ADGRG7: variants seen among roughly 807,000 people sequenced by gnomAD.
The protein encoded by ADGRG7 is G-protein coupled receptor 128.
ADGRG7 carries 82 observed loss-of-function variants against 88.6 expected under a neutral mutation model. That is an observed-to-expected ratio of 0.93 (90% CI 0.77 to 1.11). The LOEUF (loss-of-function observed/expected upper bound fraction) is 1.11. ADGRG7 is among the 50% of genes most tolerant of loss of function. The pLI is 0.00. For synonymous variants in ADGRG7, 381 were observed against 345.2 expected (o/e 1.10, Z -1.15); for missense variants, 945 against 953.4 (o/e 0.99, Z 0.12).
At chr3:100,663,462 G>A (rs2094948093) in intron 14 of ADGRG7, among the ~76,000 whole-genome samples, 1 of 151,872 alleles carries the variant, frequency 6.6e-6, no homozygotes, top group Admixed American at 6.6e-5. Flanking sequence ...TCTCTCTCTG[G>A]AAATTGGAAT....
At chr3:100,610,977 G>T (rs999044313) in intron 1 of ADGRG7, among the ~76,000 whole-genome samples, 7 of 152,100 alleles carry the variant, frequency 4.6e-5, no homozygotes, top group Admixed American at 2.0e-4. Flanking sequence ...GCTGGGGATG[G>T]ATTTGTCCTC....
intron 13 of ADGRG7, 115 bp downstream of exon 13, chr3:100,656,110 A>G: frequency 1.8e-6 from 1 of 560,086 alleles, no homozygotes; most frequent in Non-Finnish European, 3.3e-6. Context: ...TGTCATGTTT[A>G]GTGGTAGACA....
chr3:100,683,338 G>C (rs1223674706), intron 15 of ADGRG7, among the ~76,000 whole-genome samples: 1 of 152,174 alleles, frequency 6.6e-6, no homozygotes, highest in East Asian at 1.9e-4. Flanking sequence ...TGGCTCTTCG[G>C]GGAGCCCAGA....
intron 1 of ADGRG7, among the ~76,000 whole-genome samples, chr3:100,615,249 A>C (rs1707207889): frequency 6.6e-6 from 1 of 152,176 alleles, no homozygotes; most frequent in Non-Finnish European, 1.5e-5. Context: ...TTTTTTCAAG[A>C]TCATAATTCT....
rs201303111 is a variant in ADGRG7, at chr3:100,694,873, C to T, written c.2266C>T (p.Arg756Cys). Residue 756 changes from arginine (R) to cysteine (C), a missense_variant, in exon 16 of 16, where the codon CGT becomes TGT. Physicochemically the swap from Arg to Cys is radical, Grantham distance 180. Coordinates refer to ENST00000273352, the MANE Select transcript of ADGRG7 (RefSeq NM_032787.3). ...SLPSVTRPRLRVKMYNFLRSL... is the reference protein window; with the variant it reads ...SLPSVTRPRLCVKMYNFLRSL... ...GCCTTCAGTGACGCGGCCGAGGCTG[C>T]GTGTAAAGATGTATAATTTCCTCAG... is the stretch of plus-strand genomic sequence containing the variant. 23 of 1,614,110 alleles carry T rather than the reference C, an allele frequency of 1.4e-5. No homozygotes were observed. The highest frequency in any genetic ancestry group is 4.0e-5 in the African/African-American group (3 of 75,000).
At chr3:100,691,955 A>G (rs2094994705) in intron 15 of ADGRG7, among the ~76,000 whole-genome samples, 1 of 152,138 alleles carries the variant, frequency 6.6e-6, no homozygotes, top group South Asian at 2.1e-4. Flanking sequence ...CAATATCAGG[A>G]TGAGCTATTC....
intron 14 of ADGRG7, chr3:100,665,389 G>A (rs1431323906): frequency 2.0e-5 from 11 of 540,248 alleles, no homozygotes; most frequent in Admixed American, 9.6e-5. Context: ...TACAATAGAA[G>A]CATTGTTTGT....
intron 15 of ADGRG7, among the ~76,000 whole-genome samples, chr3:100,678,649 T>A (rs1416765147): frequency 6.6e-6 from 1 of 152,224 alleles, no homozygotes; most frequent in Non-Finnish European, 1.5e-5. Context: ...TGCAGCCATA[T>A]CTGCTTTAGG....
chr3:100,694,997 T>C lies in ADGRG7; in HGVS notation c.2390T>C (p.Ile797Thr). The C allele has an allele frequency of 6.2e-7, 1 of 1,613,314 alleles. No homozygotes were observed. The highest frequency in any genetic ancestry group is 8.5e-7 in the Non-Finnish European group (1 of 1,179,470). Reference sequence around the variant, plus strand: ...GAAAGTGACAATGCAAAGGAAAGCATCTAGACAGTAAAACTTACCTGTTGT... The same window carrying C: ...GAAAGTGACAATGCAAAGGAAAGCACCTAGACAGTAAAACTTACCTGTTGT... The part of the protein sequence containing the change: ...LSESDNAKES[I>T] The change falls in exon 16 of 16, where the codon ATC becomes ACC. Residue 797 changes from isoleucine to threonine, a missense_variant. Coordinates refer to ENST00000273352, the MANE Select transcript of ADGRG7 (RefSeq NM_032787.3).
At chr3:100,675,143 T>G (rs1157790402) in intron 15 of ADGRG7, among the ~76,000 whole-genome samples, 1 of 152,200 alleles carries the variant, frequency 6.6e-6, no homozygotes, top group African/African-American at 2.4e-5. Context: ...TGAATAACAG[T>G]GGTGAAAGTG....
chr3:100,655,446 A>G (rs1357523884), intron 12 of ADGRG7, among the ~76,000 whole-genome samples: 1 of 152,180 alleles, frequency 6.6e-6, no homozygotes, highest in Admixed American at 6.5e-5. Flanking sequence ...TCTTTTTATT[A>G]ATTTGATTTG....
intron 4 of ADGRG7, 179 bp from the exon 5 acceptor site, chr3:100,635,498 T>G (rs1707523623): frequency 7.4e-7 from 1 of 1,359,336 alleles, no homozygotes; most frequent in Non-Finnish European, 9.6e-7. Flanking sequence ...GCAAAACCAC[T>G]GGTCTGCATG....
At chr3:100,694,683 T>C in intron 15 of ADGRG7, 61 bp from the exon 16 acceptor site, 1 of 1,491,900 alleles carries the variant, frequency 6.7e-7, no homozygotes, top group South Asian at 1.2e-5. Flanking sequence ...TGAAATAAAA[T>C]GTCTTCCTTG....
chr3:100,618,924 G>A (rs950751634), intron 1 of ADGRG7, among the ~76,000 whole-genome samples: 10 of 152,088 alleles, frequency 6.6e-5, no homozygotes, highest in African/African-American at 2.4e-4. Context: ...CCTTGAAGAG[G>A]TCCTTCACGT....
At chr3:100,667,077 T>A (rs1376589868) in intron 14 of ADGRG7, among the ~76,000 whole-genome samples, 1 of 152,114 alleles carries the variant, frequency 6.6e-6, no homozygotes, top group Non-Finnish European at 1.5e-5. Context: ...AACAATCTGA[T>A]CTCTCTTGCT....
In ADGRG7 at chr3:100,654,873, A is replaced by T; in HGVS notation, c.1418A>T (p.Asn473Ile). 6.2e-7 allele frequency: 1 copy of T among 1,607,182 alleles called. No homozygotes were observed. The highest frequency in any genetic ancestry group is 8.5e-7 in the Non-Finnish European group (1 of 1,174,642). ...ACCTCAGTAACCTGGGTTTTGGTCA[A>T]TCTGTGCATATCAATGTTGATTTTC... ...RKTSVTWVLV[N>I]LCISMLIFNL... Residue 473 changes from asparagine to isoleucine, a missense_variant, in exon 12 of 16, where the codon AAT (asparagine) becomes ATT (isoleucine). By Grantham distance (149) the Asn-to-Ile change is moderately radical. Transcript: ENST00000273352.
rs1284640876 is a variant in ADGRG7, at chr3:100,695,442, G to A, written c.*441G>A. The A allele has an allele frequency of 1.3e-5, 2 of 152,960 alleles. No individual in the cohort carries two copies. The highest frequency in any genetic ancestry group is 4.8e-5 in the African/African-American group (2 of 41,450). The allele number at this position is 152,960 out of a possible 1,614,324, so 9.5% of individuals were successfully genotyped here. On this transcript the variant is annotated 3_prime_UTR_variant, in exon 16 of 16. Transcript: ENST00000273352. ...CTCTGAATATTTTACAGTCGTATGTGCTTGTACTTTTATTTCCAATGAAGA... is the reference window on the plus strand; with the variant it reads ...CTCTGAATATTTTACAGTCGTATGTACTTGTACTTTTATTTCCAATGAAGA...
Position 100,695,309 on chromosome 3 carries a change from T to C in ADGRG7, c.*308T>C. 3.8e-6 allele frequency: 1 copy of C among 260,658 alleles called. No individual in the cohort carries two copies. Among genetic ancestry groups the C allele is most frequent in the Non-Finnish European group, 7.3e-6 (1 of 137,658 alleles). 16.1% of individuals were successfully genotyped at this position (260,658 alleles called of 1,614,324 possible). ...AAATGTAGAACCTATAACAAATTCT[T>C]TTACAAGTTACTATAAAGGACACAA... On this transcript the variant is annotated 3_prime_UTR_variant, in exon 16 of 16. Transcript: ENST00000273352.
intron 15 of ADGRG7, among the ~76,000 whole-genome samples, chr3:100,684,290 G>T (rs2094978585): frequency 1.7e-5 from 1 of 59,418 alleles, no homozygotes; most frequent in Non-Finnish European, 3.8e-5. Flanking sequence ...TTGAGACAGG[G>T]TCTTTCTCTG....
Sources: gnomAD v4.1 joint callset for allele counts (sites outside exome capture counted in the v4.1 genomes callset) on GRCh38, gnomAD v4.1.1 for gene constraint, MANE v1.5 for transcripts, NCBI Gene and HGNC (gene_info 2026-07-23, HGNC 2026-07-21) for gene names.